The following NBAS variants were observed in gnomAD, a reference collection of about 807,000 sequenced individuals.
NBAS encodes NBAS subunit of NRZ tethering complex.
A neutral mutation model predicts 302.5 loss-of-function variants in NBAS; 219 were observed. That is an observed-to-expected ratio of 0.72 (90% confidence interval 0.65 to 0.81). The LOEUF (loss-of-function observed/expected upper bound fraction) is 0.81, where lower values mean the gene tolerates loss of function less well. Ranked by LOEUF, NBAS falls within the 30% of genes least tolerant of loss-of-function variation. The pLI, the probability that NBAS is intolerant of heterozygous loss-of-function variation, is 0.00. For missense variants in NBAS, 2,932 were observed against 2,841.6 expected, an observed-to-expected ratio of 1.03 and a Z score of -0.72; for synonymous variants, 1,118 against 1,021.6, an observed-to-expected ratio of 1.09 and a Z score of -1.80.
chr2:15,010,423 G>A, the NBAS span, among the ~76,000 whole-genome samples: 1 of 152,190 alleles, frequency 6.6e-6, no homozygotes, highest in Admixed American at 6.5e-5. Context: ...ATGAAAGAAA[G>A]AGGAGGCAGC....
At chr2:15,167,569 T>C (rs1385998848) in intron 51 of NBAS, among the ~76,000 whole-genome samples, 1 of 152,188 alleles carries the variant, frequency 6.6e-6, no homozygotes, top group Non-Finnish European at 1.5e-5. Context: ...AGATACTGGG[T>C]GCCAGAAACT....
At chr2:15,308,481 A>T in intron 39 of NBAS, 128 bp from the exon 40 acceptor site, 1 of 1,153,472 alleles carries the variant, frequency 8.7e-7, no homozygotes, top group East Asian at 2.6e-5. Flanking sequence ...CTCAAGCTCA[A>T]GATCAACTTA....
chr2:15,484,489 C>T (rs1680547347), intron 12 of NBAS, among the ~76,000 whole-genome samples: 1 of 152,114 alleles, frequency 6.6e-6, no homozygotes, highest in African/African-American at 2.4e-5. Context: ...TTATTTAAAT[C>T]CTACTGCTCA....
At chr2:15,279,891 T>G (rs1448607591) in intron 42 of NBAS, among the ~76,000 whole-genome samples, 5 of 152,304 alleles carry the variant, frequency 3.3e-5, no homozygotes, top group South Asian at 2.1e-4. Context: ...TTCTTTGAAA[T>G]CTTTGTTTAG....
At chr2:14,878,980 C>G in the NBAS span, among the ~76,000 whole-genome samples, 356 of 152,336 alleles carry the variant, frequency 2.3e-3, no homozygotes, top group Middle Eastern at 0.01. Context: ...CCACGAACCC[C>G]TAGCAACCAC....
At chr2:15,532,544 T>C (rs532254520) in intron 9 of NBAS, among the ~76,000 whole-genome samples, 7 of 139,282 alleles carry the variant, frequency 5.0e-5, no homozygotes, top group African/African-American at 1.9e-4. Flanking sequence ...ATTTAACATA[T>C]AACAGGAGAA....
rs537742586 is a variant in NBAS at position 15,494,997 on chromosome 2, G to A, written c.955-5975C>T. On this transcript the variant is annotated intron_variant, in intron 11 of 51. Coordinates refer to ENST00000281513, the MANE Select transcript of NBAS (RefSeq NM_015909.4). ...AGCAATACAATAACTCTCCTAACAC[G>A]CAGGGAACATCTCTTGGCATTCACA... is the stretch of plus-strand genomic sequence containing the variant. Among the ~76,000 whole-genome samples, 9 of 152,234 alleles carry A rather than the reference G, an allele frequency of 5.9e-5. 1 individual carries two copies. In the East Asian group the frequency reaches 1.4e-3, roughly 23 times the overall value.
At chr2:15,484,153 A>G (rs578153866) in intron 12 of NBAS, among the ~76,000 whole-genome samples, 9 of 152,314 alleles carry the variant, frequency 5.9e-5, no homozygotes, top group African/African-American at 1.9e-4. Context: ...AGTTATTACT[A>G]CTTGCACATT....
At chr2:15,374,566 A>T in intron 31 of NBAS, 42 bp downstream of exon 31, 1 of 1,510,616 alleles carries the variant, frequency 6.6e-7, no homozygotes, top group South Asian at 1.1e-5. Flanking sequence ...AAATTGCTGC[A>T]ATATAAGTTA....
chr2:14,861,486 T>C, the NBAS span, among the ~76,000 whole-genome samples: 148 of 152,316 alleles, frequency 9.7e-4, no homozygotes, highest in Non-Finnish European at 1.8e-3. Context: ...AAAATGCACA[T>C]GCCAGTTTAG....
chr2:15,178,968 G>A lies in NBAS; in HGVS notation c.6840+20C>T, dbSNP rs1304852088. 3.1e-6 allele frequency: 5 copies of A among 1,611,366 alleles called. No homozygotes were observed. The African/African-American group carries it at 5.4e-5, about 17-fold the overall frequency. On this transcript the variant is annotated intron_variant, in intron 51 of 51. Transcript: ENST00000281513. ...CATTAAAAAAAAAAAAAGAAAGAAAGTAAATTCAACTGGGCATACCGTAGT... is the reference window on the plus strand; with the variant it reads ...CATTAAAAAAAAAAAAAGAAAGAAAATAAATTCAACTGGGCATACCGTAGT...
the NBAS span, among the ~76,000 whole-genome samples, chr2:15,025,347 A>G: frequency 1.1e-4 from 16 of 152,278 alleles, no homozygotes; most frequent in Non-Finnish European, 2.1e-4. Context: ...AACCATTACC[A>G]TTCTGTTTGG....
the NBAS span, among the ~76,000 whole-genome samples, chr2:14,990,317 G>A: frequency 1.3e-5 from 2 of 151,100 alleles, no homozygotes; most frequent in African/African-American, 2.4e-5. Context: ...CCAGCTACTC[G>A]GGAGACTGAG....
chr2:15,134,056 TTCTCTC>T, the NBAS span, among the ~76,000 whole-genome samples: 45,636 of 145,608 alleles, frequency 0.31, 7,147 homozygotes, highest in African/African-American at 0.39. Flanking sequence ...GAACATTTCT[TTCTCTC>T]TCTCTCTCTC....
At chr2:15,329,126 A>G (rs550750661) in intron 36 of NBAS, among the ~76,000 whole-genome samples, 5 of 152,212 alleles carry the variant, frequency 3.3e-5, no homozygotes, top group African/African-American at 1.2e-4. Context: ...AATAGATTGT[A>G]AAGCTCCTTA....
the NBAS span, among the ~76,000 whole-genome samples, chr2:15,099,922 A>G: frequency 0.012 from 1,775 of 152,328 alleles, 34 homozygotes; most frequent in African/African-American, 0.041. Flanking sequence ...CACACACAAA[A>G]ATTTCAGTGG....
At chr2:15,059,962 A>C in the NBAS span, among the ~76,000 whole-genome samples, 67,987 of 139,330 alleles carry the variant, frequency 0.49, 18,128 homozygotes, top group African/African-American at 0.74. Flanking sequence ...AAAAAAAAAA[A>C]ACAAAAAAAA....
the NBAS span, among the ~76,000 whole-genome samples, chr2:14,801,851 C>A: frequency 4.6e-5 from 7 of 151,336 alleles, no homozygotes; most frequent in African/African-American, 1.5e-4. Context: ...TGTCCTTCGC[C>A]CACTTTTTGA....
chr2:15,491,701 A>G (rs1304881551), intron 11 of NBAS, among the ~76,000 whole-genome samples: 2 of 151,782 alleles, frequency 1.3e-5, no homozygotes, highest in Non-Finnish European at 2.9e-5. Context: ...GTGCCACTGC[A>G]CTCCAGCCTG....
Sources: allele counts gnomAD v4.1 joint callset (sites outside exome capture counted in the v4.1 genomes callset), GRCh38; gene constraint gnomAD v4.1.1; transcripts MANE v1.5; gene names NCBI Gene and HGNC (gene_info 2026-07-23, HGNC 2026-07-21).